Variants in CELF2 observed in about 807,000 individuals in gnomAD.
CELF2 encodes CUG triplet repeat RNA-binding protein 2.
Under a neutral mutation model 62.6 loss-of-function variants are expected in CELF2, and 8 were observed. The ratio of observed to expected loss-of-function variants is 0.13; its 90% CI spans 0.07 to 0.23. The LOEUF (loss-of-function observed/expected upper bound fraction) is 0.23. CELF2 is among the 10% of genes least tolerant of loss of function. The pLI is 1.00. For synonymous variants in CELF2, 258 were observed against 250.0 expected, an observed-to-expected ratio of 1.03 and a Z score of -0.30; for missense variants, 333 against 671.0, an observed-to-expected ratio of 0.50 and a Z score of 5.56.
At chr10:10,494,017 GC>G in the CELF2 span, among the ~76,000 whole-genome samples, 1 of 152,158 alleles carries the variant, frequency 6.6e-6, no homozygotes, top group Non-Finnish European at 1.5e-5. Context: ...GTTCTCAGGG[GC>G]CCTGAAGTGT....
chr10:10,766,591 T>C, the CELF2 span, among the ~76,000 whole-genome samples: 12 of 152,114 alleles, frequency 7.9e-5, no homozygotes, highest in African/African-American at 2.9e-4. Flanking sequence ...TGCTGGAGGT[T>C]AGGTACTCAG....
the CELF2 span, among the ~76,000 whole-genome samples, chr10:10,694,787 G>T: frequency 6.6e-6 from 1 of 151,714 alleles, no homozygotes; most frequent in Non-Finnish European, 1.5e-5. Context: ...TGTCTCTTTT[G>T]ATCTTTGTTG....
chr10:11,063,324 T>G lies in CELF2; in HGVS notation c.74+45161T>G, dbSNP rs142282010. On this transcript the variant is annotated intron_variant, in intron 1 of 12. Transcript: ENST00000633077. ...TCCCCATTTGATATCTGAAGTGATT[T>G]GAAATCATTGAAAGATGTTGACTTA... 7.0e-4 allele frequency among the ~76,000 whole-genome samples: 106 copies of G among 152,332 alleles called. 1 individual carries two copies. The highest frequency in any genetic ancestry group is 2.4e-3 in the African/African-American group (99 of 41,562).
intron 2 of CELF2, among the ~76,000 whole-genome samples, chr10:11,204,942 G>A (rs972716434): frequency 6.6e-6 from 1 of 152,178 alleles, no homozygotes; most frequent in African/African-American, 2.4e-5. Context: ...GTGCTCCTTA[G>A]CCGTAGGTTT....
chr10:10,701,666 G>T, the CELF2 span, among the ~76,000 whole-genome samples: 1 of 152,226 alleles, frequency 6.6e-6, no homozygotes, highest in South Asian at 2.1e-4. Context: ...GTATGTTTGT[G>T]CAAAGACAGA....
intron 1 of CELF2, among the ~76,000 whole-genome samples, chr10:10,889,164 G>A (rs1385850168): frequency 6.6e-5 from 10 of 152,172 alleles, no homozygotes; most frequent in Admixed American, 6.5e-4. Flanking sequence ...ATGTTCATGT[G>A]GGTAGATCCA....
chr10:10,476,896 G>C, the CELF2 span, among the ~76,000 whole-genome samples: 1 of 152,038 alleles, frequency 6.6e-6, no homozygotes, highest in Admixed American at 6.6e-5. Flanking sequence ...TTCATTTTGT[G>C]AATGGTTCAT....
At chr10:11,106,004 T>C (rs983854746) in intron 1 of CELF2, among the ~76,000 whole-genome samples, 18 of 152,226 alleles carry the variant, frequency 1.2e-4, no homozygotes. Flanking sequence ...CTTGGCTCTT[T>C]TGATAGAATG....
At chr10:10,471,154 C>T in the CELF2 span, among the ~76,000 whole-genome samples, 2 of 151,204 alleles carry the variant, frequency 1.3e-5, no homozygotes, top group Non-Finnish European at 3.0e-5. Context: ...GATTTATGTC[C>T]CAACATATGG....
At chr10:10,629,891 A>AG in the CELF2 span, among the ~76,000 whole-genome samples, 1 of 133,342 alleles carries the variant, frequency 7.5e-6, no homozygotes, top group East Asian at 2.2e-4. Flanking sequence ...AAAAAAAAAA[A>AG]GCTTGCTTTT....
At chr10:10,696,977 C>G in the CELF2 span, among the ~76,000 whole-genome samples, 1 of 152,204 alleles carries the variant, frequency 6.6e-6, no homozygotes, top group Non-Finnish European at 1.5e-5. Context: ...TAGAGGGGAG[C>G]TGTTCCTATT....
At chr10:11,308,784 A>G (rs1003082924) in intron 9 of CELF2, among the ~76,000 whole-genome samples, 1 of 152,164 alleles carries the variant, frequency 6.6e-6, no homozygotes, top group Non-Finnish European at 1.5e-5. Context: ...TCCTACTGAA[A>G]GTTAAATTTT....
chr10:11,275,023 C>CATCTCTACTTT (rs755699093), intron 7 of CELF2, 34 bp from the exon 8 acceptor site: 25 of 1,606,756 alleles, frequency 1.6e-5, no homozygotes, highest in Non-Finnish European at 2.0e-5. Context: ...TTGCTCTCAC[C>CATCTCTACTTT]GTCTCCACTT....
At chr10:11,152,322 G>A (rs2063491005) in intron 1 of CELF2, among the ~76,000 whole-genome samples, 1 of 152,136 alleles carries the variant, frequency 6.6e-6, no homozygotes, top group African/African-American at 2.4e-5. Flanking sequence ...AAACAATGAG[G>A]AATATAAGAG....
chr10:11,271,516 G>A (rs1048087792), intron 7 of CELF2, among the ~76,000 whole-genome samples: 6 of 152,316 alleles, frequency 3.9e-5, no homozygotes, highest in Non-Finnish European at 7.3e-5. Context: ...GCTTGAGAGC[G>A]GCGTTTGTAG....
chr10:10,627,045 C>T, the CELF2 span, among the ~76,000 whole-genome samples: 11 of 151,822 alleles, frequency 7.2e-5, no homozygotes, highest in Non-Finnish European at 1.2e-4. Flanking sequence ...GCTGCTGTAA[C>T]GAAAGAAGAA....
At chr10:10,856,462 A>C (rs895702044) in intron 1 of CELF2, among the ~76,000 whole-genome samples, 1 of 152,174 alleles carries the variant, frequency 6.6e-6, no homozygotes, top group Admixed American at 6.6e-5. Flanking sequence ...ATTTTGGGGG[A>C]AAAAATGACT....
intron 1 of CELF2, among the ~76,000 whole-genome samples, chr10:10,874,571 C>G (rs962358680): frequency 9.2e-5 from 14 of 152,106 alleles, no homozygotes; most frequent in African/African-American, 2.9e-4. Context: ...AGAAGAAAAG[C>G]ATTGTTCTCA....
At chr10:10,820,386 A>T (rs1414222437) in intron 1 of CELF2, among the ~76,000 whole-genome samples, 1 of 152,188 alleles carries the variant, frequency 6.6e-6, no homozygotes, top group African/African-American at 2.4e-5. Flanking sequence ...CTCAACTTTG[A>T]TCAATGACTT....
Sources: gnomAD v4.1 joint callset for allele counts (sites outside exome capture counted in the v4.1 genomes callset) on GRCh38, gnomAD v4.1.1 for gene constraint, MANE v1.5 for transcripts, NCBI Gene and HGNC (gene_info 2026-07-23, HGNC 2026-07-21) for gene names.